Variants in BFSP2 observed in about 807,000 individuals in gnomAD.
The protein encoded by BFSP2 is phakinin.
In BFSP2, 38 loss-of-function variants were observed where a neutral mutation model predicts 44.9. The observed-to-expected ratio is 0.85, with a 90% CI of 0.65 to 1.11. The LOEUF (loss-of-function observed/expected upper bound fraction) is 1.11. Ranked by LOEUF, BFSP2 falls within the 50% of genes least tolerant of loss-of-function variation. The pLI, the probability that BFSP2 is intolerant of heterozygous loss-of-function variation, is 0.00. For synonymous variants in BFSP2, 197 were observed against 209.9 expected (o/e 0.94, Z 0.53); for missense variants, 525 against 533.0 (o/e 0.99, Z 0.15).
intron 1 of BFSP2, among the ~76,000 whole-genome samples, chr3:133,440,331 A>G (rs900053027): frequency 6.6e-6 from 1 of 152,302 alleles, no homozygotes; most frequent in African/African-American, 2.4e-5. Flanking sequence ...ACAACCAACC[A>G]TATCAGCAGG....
intron 4 of BFSP2, among the ~76,000 whole-genome samples, chr3:133,460,892 T>C (rs1243960553): frequency 6.6e-6 from 1 of 152,162 alleles, no homozygotes; most frequent in Admixed American, 6.5e-5. Flanking sequence ...AAAACCAGAG[T>C]GCTCGAGTGA....
intron 1 of BFSP2, among the ~76,000 whole-genome samples, chr3:133,443,983 A>T (rs1276585761): frequency 1.3e-5 from 2 of 152,072 alleles, no homozygotes; most frequent in African/African-American, 2.4e-5. Flanking sequence ...TAATAACTAC[A>T]TCCGCAGTGA....
At chr3:133,427,097 T>A (rs1021167616) in intron 1 of BFSP2, among the ~76,000 whole-genome samples, 2 of 152,256 alleles carry the variant, frequency 1.3e-5, no homozygotes, top group African/African-American at 2.4e-5. Flanking sequence ...TATCTCATCA[T>A]GGTTCAACCA....
At chr3:133,438,512 G>C (rs568435591) in intron 1 of BFSP2, among the ~76,000 whole-genome samples, 1 of 152,310 alleles carries the variant, frequency 6.6e-6, no homozygotes, top group South Asian at 2.1e-4. Flanking sequence ...TCCAGCCTGG[G>C]TGGCAGAGTG....
intron 1 of BFSP2, among the ~76,000 whole-genome samples, chr3:133,425,855 A>G (rs2073644073): frequency 8.2e-6 from 1 of 121,820 alleles, no homozygotes; most frequent in African/African-American, 3.6e-5. Context: ...AAGGGAAAGG[A>G]AGGGAAGGGA....
chr3:133,459,966 TA>T (rs1051932029), intron 4 of BFSP2, among the ~76,000 whole-genome samples: 101 of 152,312 alleles, frequency 6.6e-4, no homozygotes, highest in African/African-American at 2.3e-3. Context: ...GAGCACATTC[TA>T]GGTGTAAAAA....
chr3:133,400,541 T>A lies in BFSP2; in HGVS notation c.458T>A (p.Leu153Gln), dbSNP rs142404860. Residue 153 changes from leucine (L) to glutamine (Q), a missense_variant, in exon 1 of 7, where the codon CTA becomes CAA. Physicochemically the swap from Leu to Gln is moderately radical, Grantham distance 113 (BLOSUM62 -2). Coordinates refer to ENST00000302334, the MANE Select transcript of BFSP2 (RefSeq NM_003571.4). This position sits in a 1 kb window ranked among gnomAD's most constrained non-coding sequence, Gnocchi z 4.0. ...KATRSGNWGA[L>Q]RASWASSCQQ... is the part of the protein sequence containing the mutation. ...ACACGCTCGGGAAACTGGGGTGCCCTACGGGCTTCCTGGGCCAGCAGCTGC... is the reference window on the plus strand; with the variant it reads ...ACACGCTCGGGAAACTGGGGTGCCCAACGGGCTTCCTGGGCCAGCAGCTGC... The A allele has an allele frequency of 1.1e-4, 178 of 1,611,888 alleles. No homozygotes were observed. The highest frequency in any genetic ancestry group is 1.4e-4 in the Non-Finnish European group (165 of 1,179,204).
chr3:133,400,506 G>GAGC lies in BFSP2; in HGVS notation c.425_427dup (p.Ser142dup). The GAGC allele has an allele frequency of 6.2e-7, 1 of 1,613,940 alleles. No individual in the cohort carries two copies. Among genetic ancestry groups the GAGC allele is most frequent in the East Asian group, 2.2e-5 (1 of 44,876 alleles). ...AAACACAACTGCGGATGCACCTGGA[G>GAGC]AGCAAAGCCACACGCTCGGGAAACT... is the stretch of plus-strand genomic sequence containing the variant. On this transcript the variant is annotated inframe_insertion, in exon 1 of 7. Transcript: ENST00000302334. This position sits in a 1 kb window ranked among gnomAD's most constrained non-coding sequence, Gnocchi z 4.0.
intron 1 of BFSP2, among the ~76,000 whole-genome samples, chr3:133,446,777 T>C (rs1276970235): frequency 1.3e-5 from 2 of 150,894 alleles, no homozygotes; most frequent in African/African-American, 4.9e-5. Context: ...ACAATGTTTA[T>C]GTTCACGTGT....
chr3:133,437,897 C>A (rs2073806522), intron 1 of BFSP2, among the ~76,000 whole-genome samples: 1 of 152,122 alleles, frequency 6.6e-6, no homozygotes, highest in Admixed American at 6.5e-5. Context: ...GCCAGGGGCA[C>A]CTACATCGTA....
intron 1 of BFSP2, among the ~76,000 whole-genome samples, chr3:133,422,173 G>A (rs1306705514): frequency 6.6e-6 from 1 of 150,452 alleles, no homozygotes; most frequent in Admixed American, 6.6e-5. Context: ...GTCCAGAAAG[G>A]AAAGCTGTAC....
Position 133,466,896 on chromosome 3 carries a change from G to A in BFSP2, c.960G>A (p.Glu320=). The A allele has an allele frequency of 6.2e-7, 1 of 1,614,024 alleles. No individual in the cohort carries two copies. The highest frequency in any genetic ancestry group is 8.5e-7 in the Non-Finnish European group (1 of 1,179,980). Residue 320 remains glutamate (E), a synonymous_variant, in exon 5 of 7, where the codon GAG becomes GAA. Transcript: ENST00000302334. ...AGCTGGCAGCTGCCCTCAGGGTGGA[G>A]TTACACAACACTTCGTGCCAAGTCC... is the stretch of plus-strand genomic sequence containing the variant. ...EEKLAAALRV[E]LHNTSCQVQS... is the part of the protein sequence containing the mutation.
intron 1 of BFSP2, among the ~76,000 whole-genome samples, chr3:133,427,606 G>A (rs2073666038): frequency 6.6e-6 from 1 of 152,212 alleles, no homozygotes; most frequent in African/African-American, 2.4e-5. Flanking sequence ...AGAATGGGGT[G>A]GCATTTCAGG....
At chr3:133,412,278 A>G (rs2107882076) in intron 1 of BFSP2, 1 of 152,356 alleles carries the variant, frequency 6.6e-6, no homozygotes, top group Non-Finnish European at 1.5e-5. Flanking sequence ...AAATTTTTGT[A>G]AAAATGCAGC....
At chr3:133,448,384 T>A (rs2073923265) in intron 2 of BFSP2, 105 bp from the exon 3 acceptor site, 7 of 1,349,348 alleles carry the variant, frequency 5.2e-6, no homozygotes, top group African/African-American at 2.9e-5. Context: ...ACTTTTACCA[T>A]TCATTGTCTA....
intron 1 of BFSP2, among the ~76,000 whole-genome samples, chr3:133,402,291 C>A (rs533866722): frequency 6.6e-6 from 1 of 152,218 alleles, no homozygotes; most frequent in Non-Finnish European, 1.5e-5. Context: ...CAGATAGCTA[C>A]AAGAGCCTTT....
At chr3:133,413,574 G>T (rs2073476802) in intron 1 of BFSP2, among the ~76,000 whole-genome samples, 1 of 152,062 alleles carries the variant, frequency 6.6e-6, no homozygotes, top group Admixed American at 6.5e-5. Flanking sequence ...CTGATCCACC[G>T]AATTTGAGGA....
chr3:133,413,879 A>G (rs1306118066), intron 1 of BFSP2, among the ~76,000 whole-genome samples: 1 of 151,944 alleles, frequency 6.6e-6, no homozygotes, highest in East Asian at 1.9e-4. Flanking sequence ...AAATAACACT[A>G]CAGTGTGGAA....
intron 1 of BFSP2, among the ~76,000 whole-genome samples, chr3:133,425,764 T>TGGGAAA (rs1375103131): frequency 2.9e-5 from 4 of 138,020 alleles, no homozygotes; most frequent in African/African-American, 5.5e-5. Context: ...GACAAAGGGA[T>TGGGAAA]GGGAAAGGGA....
Sources: allele counts gnomAD v4.1 joint callset (sites outside exome capture counted in the v4.1 genomes callset), GRCh38; gene constraint gnomAD v4.1.1; non-coding constraint Gnocchi (gnomAD v3.1); transcripts MANE v1.5; gene names NCBI Gene and HGNC (gene_info 2026-07-23, HGNC 2026-07-21).